The following FAF1 variants were observed in gnomAD, a reference collection of about 807,000 sequenced individuals.
FAF1 encodes the protein FAS-associated factor 1.
Under a neutral mutation model 92.5 loss-of-function variants are expected in FAF1, and 25 were observed. The ratio of observed to expected loss-of-function variants is 0.27; its 90% CI spans 0.20 to 0.38. The LOEUF (loss-of-function observed/expected upper bound fraction) is 0.38, where lower values mean the gene tolerates loss of function less well. Among genes scored for constraint, FAF1 ranks in the 10% least tolerant of loss-of-function variants. FAF1 has a pLI of 1.00. For synonymous variants in FAF1, 234 were observed against 273.2 expected, an observed-to-expected ratio of 0.86 and a Z score of 1.42; for missense variants, 636 against 793.3, an observed-to-expected ratio of 0.80 and a Z score of 2.38.
chr1:50,600,126 A>G (rs1244154567), intron 8 of FAF1, among the ~76,000 whole-genome samples: 1 of 152,200 alleles, frequency 6.6e-6, no homozygotes, highest in African/African-American at 2.4e-5. Context: ...GACAGTATTA[A>G]TTGCCAATGA....
At chr1:50,877,549 G>A (rs188781968) in intron 1 of FAF1, among the ~76,000 whole-genome samples, 36 of 151,822 alleles carry the variant, frequency 2.4e-4, no homozygotes, top group African/African-American at 8.0e-4. Context: ...TATACATTAG[G>A]GTTAGAGCTA....
chr1:50,447,955 C>T (rs757812970), intron 18 of FAF1, among the ~76,000 whole-genome samples: 4 of 152,200 alleles, frequency 2.6e-5, no homozygotes, highest in Admixed American at 6.5e-5. Context: ...TGACTTTGGA[C>T]GAGTCACTTT....
intron 18 of FAF1, chr1:50,462,056 AC>A: frequency 6.8e-6 from 1 of 146,786 alleles, no homozygotes; most frequent in Admixed American, 6.8e-5. Context: ...CCAATATATA[AC>A]ATATCAATAT....
At chr1:50,736,025 T>G (rs1569858346) in intron 6 of FAF1, among the ~76,000 whole-genome samples, 1 of 152,132 alleles carries the variant, frequency 6.6e-6, no homozygotes, top group African/African-American at 2.4e-5. Flanking sequence ...GGCCAACATG[T>G]TATTTTATAT....
At chr1:50,624,172 C>T (rs966294977) in intron 8 of FAF1, among the ~76,000 whole-genome samples, 1 of 151,760 alleles carries the variant, frequency 6.6e-6, no homozygotes, top group African/African-American at 2.4e-5. Context: ...TTTTCAGATG[C>T]AGTCTATCTC....
intron 12 of FAF1, among the ~76,000 whole-genome samples, chr1:50,576,774 C>G (rs1393153311): frequency 6.6e-6 from 1 of 151,822 alleles, no homozygotes; most frequent in Non-Finnish European, 1.5e-5. Flanking sequence ...TCTTGAGTAA[C>G]TGGGACCATA....
chr1:50,666,960 G>T (rs1398816004), intron 7 of FAF1, among the ~76,000 whole-genome samples: 2 of 152,214 alleles, frequency 1.3e-5, no homozygotes, highest in Non-Finnish European at 2.9e-5. Flanking sequence ...GAGAGCAAAT[G>T]AGCCTTTCCA....
chr1:50,731,241 G>T (rs1011553295), intron 6 of FAF1, among the ~76,000 whole-genome samples: 4 of 152,114 alleles, frequency 2.6e-5, no homozygotes, highest in Admixed American at 6.5e-5. Context: ...CCCATGAAAG[G>T]CACACTATAA....
intron 12 of FAF1, among the ~76,000 whole-genome samples, chr1:50,581,105 A>C (rs1650969932): frequency 6.6e-6 from 1 of 152,180 alleles, no homozygotes; most frequent in Non-Finnish European, 1.5e-5. Context: ...ATTTATGAAC[A>C]CCATAAACAT....
intron 1 of FAF1, among the ~76,000 whole-genome samples, chr1:50,899,485 T>C (rs942030143): frequency 1.3e-5 from 2 of 152,162 alleles, no homozygotes; most frequent in African/African-American, 2.4e-5. Context: ...ATATATATTT[T>C]GAGACAGAGT....
chr1:50,723,834 C>T (rs1658512938), intron 6 of FAF1, among the ~76,000 whole-genome samples: 4 of 152,028 alleles, frequency 2.6e-5, no homozygotes, highest in Admixed American at 6.6e-5. Flanking sequence ...CTGCAACCTC[C>T]GCCTCCCAGG....
intron 14 of FAF1, among the ~76,000 whole-genome samples, chr1:50,536,090 A>G (rs1316594499): frequency 6.6e-6 from 1 of 152,206 alleles, no homozygotes; most frequent in African/African-American, 2.4e-5. Flanking sequence ...TGAAAGAAAT[A>G]GTAATTCAAT....
At chr1:50,787,789 G>T (rs1661416074) in intron 4 of FAF1, among the ~76,000 whole-genome samples, 1 of 151,938 alleles carries the variant, frequency 6.6e-6, no homozygotes, top group Non-Finnish European at 1.5e-5. Context: ...CATTCTACTT[G>T]CATGGAACAA....
intron 12 of FAF1, among the ~76,000 whole-genome samples, chr1:50,570,175 T>C (rs1207040220): frequency 1.3e-5 from 2 of 152,166 alleles, no homozygotes; most frequent in African/African-American, 4.8e-5. Flanking sequence ...TCACCACTTA[T>C]TCATTTGGGC....
chr1:50,686,111 CG>C (rs542253608), intron 7 of FAF1, among the ~76,000 whole-genome samples: 127 of 152,278 alleles, frequency 8.3e-4, no homozygotes, highest in Non-Finnish European at 1.3e-3. Flanking sequence ...ATAATGTAAA[CG>C]GTACCCAATA....
At chr1:50,803,803 G>A (rs920538823) in intron 2 of FAF1, among the ~76,000 whole-genome samples, 19 of 152,032 alleles carry the variant, frequency 1.2e-4, no homozygotes, top group African/African-American at 4.6e-4. Context: ...AATTTATCTT[G>A]GAGAAGTTAG....
intron 2 of FAF1, among the ~76,000 whole-genome samples, chr1:50,852,235 G>A (rs1430655734): frequency 2.0e-5 from 3 of 152,122 alleles, no homozygotes; most frequent in African/African-American, 4.8e-5. Context: ...GGGTTGTCCC[G>A]CTCTTTCCTC....
chr1:50,801,272 C>T (rs574481308), intron 3 of FAF1, among the ~76,000 whole-genome samples: 1 of 152,262 alleles, frequency 6.6e-6, no homozygotes, highest in East Asian at 1.9e-4. Flanking sequence ...GAGATAAAGC[C>T]TGTATAGTTA....
At chr1:50,792,620 G>GGATACTGC (rs1661604700) in intron 3 of FAF1, among the ~76,000 whole-genome samples, 1 of 152,206 alleles carries the variant, frequency 6.6e-6, no homozygotes, top group Non-Finnish European at 1.5e-5. Context: ...TGCTGAAGTA[G>GGATACTGC]ATTTACCATG....
Sources: gnomAD v4.1 joint callset for allele counts (sites outside exome capture counted in the v4.1 genomes callset) on GRCh38, gnomAD v4.1.1 for gene constraint, MANE v1.5 for transcripts, NCBI Gene and HGNC (gene_info 2026-07-23, HGNC 2026-07-21) for gene names.